The following BMP2K variants were observed in gnomAD, a reference collection of about 807,000 sequenced individuals.
The protein encoded by BMP2K is BMP2 inducible kinase, also known as BMP-2-inducible protein kinase.
A neutral mutation model predicts 116.0 loss-of-function variants in BMP2K; 74 were observed. The ratio of observed to expected loss-of-function variants is 0.64; its 90% CI spans 0.53 to 0.77. The LOEUF is 0.77. Ranked by LOEUF, BMP2K falls within the 30% of genes least tolerant of loss-of-function variation. The pLI is 0.00. For missense variants in BMP2K, 1,365 were observed against 1,403.6 expected (o/e 0.97, Z 0.44); for synonymous variants, 486 against 502.5 (o/e 0.97, Z 0.44).
intron 1 of BMP2K, among the ~76,000 whole-genome samples, chr4:78,818,797 T>C (rs1210667250): frequency 6.6e-6 from 1 of 151,622 alleles, no homozygotes; most frequent in South Asian, 2.1e-4. Context: ...AGTGTTTTTT[T>C]TTTTTTTTTT....
At chr4:78,829,035 C>T (rs1206154434) in intron 2 of BMP2K, among the ~76,000 whole-genome samples, 1 of 152,204 alleles carries the variant, frequency 6.6e-6, no homozygotes, top group Non-Finnish European at 1.5e-5. Flanking sequence ...ACATGCTTAG[C>T]GTTCCAATAA....
intron 15 of BMP2K, among the ~76,000 whole-genome samples, chr4:78,906,657 A>G (rs1235589892): frequency 1.3e-5 from 2 of 152,060 alleles, no homozygotes; most frequent in African/African-American, 2.4e-5. Flanking sequence ...CTCTTGAATT[A>G]GCCATAGACT....
intron 10 of BMP2K, among the ~76,000 whole-genome samples, chr4:78,869,655 C>G (rs976604380): frequency 1.3e-5 from 2 of 151,890 alleles, no homozygotes; most frequent in African/African-American, 2.4e-5. Flanking sequence ...TATTATTTGC[C>G]AATTAAAAAA....
Position 78,798,734 on chromosome 4 carries a change from A to G in BMP2K, c.178+22013A>G, listed in dbSNP as rs535343304. Among the ~76,000 whole-genome samples, 6 of 152,342 alleles carry G rather than the reference A, an allele frequency of 3.9e-5. No homozygotes were observed. In the East Asian group the frequency reaches 1.2e-3, roughly 29 times the overall value. ...AATATAAACCTAAATGTTTATAAAG[A>G]TTTACAATATCACTGCCTTCTTCCT... is the stretch of plus-strand genomic sequence containing the variant. On this transcript the variant is annotated intron_variant, in intron 1 of 15. Coordinates refer to ENST00000502613, the MANE Select transcript of BMP2K (RefSeq NM_198892.2).
chr4:78,856,698 G>C (rs1213856357), intron 7 of BMP2K, among the ~76,000 whole-genome samples: 1 of 152,038 alleles, frequency 6.6e-6, no homozygotes, highest in African/African-American at 2.4e-5. Flanking sequence ...TTTAGTACTG[G>C]TAAAGCAGAT....
intron 14 of BMP2K, among the ~76,000 whole-genome samples, chr4:78,881,537 A>C (rs1732884256): frequency 6.6e-6 from 1 of 152,144 alleles, no homozygotes; most frequent in South Asian, 2.1e-4. Context: ...GTTGTGTATA[A>C]AATGTAGTTT....
intron 15 of BMP2K, among the ~76,000 whole-genome samples, chr4:78,899,613 G>T (rs1733891696): frequency 6.6e-6 from 1 of 151,444 alleles, no homozygotes. Flanking sequence ...AGAGAAAGAA[G>T]GACCATAGAA....
chr4:78,843,573 G>A (rs1442620448), intron 4 of BMP2K, among the ~76,000 whole-genome samples: 1 of 151,808 alleles, frequency 6.6e-6, no homozygotes, highest in East Asian at 1.9e-4. Context: ...TAAAATGCTT[G>A]TAAGATAAAA....
intron 10 of BMP2K, among the ~76,000 whole-genome samples, chr4:78,868,686 G>A (rs896075140): frequency 1.3e-5 from 2 of 152,140 alleles, no homozygotes; most frequent in African/African-American, 4.8e-5. Context: ...CGTTCCAAAT[G>A]GGAGAAATTG....
At chr4:78,822,881 A>T (rs1397654185) in intron 1 of BMP2K, among the ~76,000 whole-genome samples, 1 of 152,162 alleles carries the variant, frequency 6.6e-6, no homozygotes, top group African/African-American at 2.4e-5. Context: ...TAAGAATTTG[A>T]TAAGCTATAG....
At chr4:78,905,624 A>G (rs1734245581) in intron 15 of BMP2K, among the ~76,000 whole-genome samples, 1 of 151,992 alleles carries the variant, frequency 6.6e-6, no homozygotes, top group African/African-American at 2.4e-5. Flanking sequence ...ATCTCAGTAA[A>G]TATGGGGATT....
At chr4:78,901,266 G>C (rs996707043) in intron 15 of BMP2K, among the ~76,000 whole-genome samples, 29 of 143,826 alleles carry the variant, frequency 2.0e-4, no homozygotes, top group African/African-American at 8.0e-4. Context: ...TTACTATGTT[G>C]CCTAGGCTTG....
At chr4:78,848,509 T>C (rs1334684746) in intron 6 of BMP2K, among the ~76,000 whole-genome samples, 1 of 151,554 alleles carries the variant, frequency 6.6e-6, no homozygotes, top group African/African-American at 2.4e-5. Context: ...TCCATGTTAC[T>C]TGAAAAGAGT....
intron 1 of BMP2K, among the ~76,000 whole-genome samples, chr4:78,794,399 G>T (rs955590381): frequency 1.3e-5 from 2 of 151,970 alleles, no homozygotes; most frequent in Non-Finnish European, 2.9e-5. Context: ...GTTTCTGTGG[G>T]AAAATATTCT....
At chr4:78,906,625 G>T (rs917124276) in intron 15 of BMP2K, among the ~76,000 whole-genome samples, 1 of 152,044 alleles carries the variant, frequency 6.6e-6, no homozygotes, top group African/African-American at 2.4e-5. Flanking sequence ...CTTCTGGTCA[G>T]TTCTGAAGTG....
intron 1 of BMP2K, among the ~76,000 whole-genome samples, chr4:78,795,740 A>G (rs1451483736): frequency 6.6e-6 from 1 of 152,162 alleles, no homozygotes; most frequent in Admixed American, 6.5e-5. Flanking sequence ...ACATGAACAG[A>G]CACTTCTCAA....
chr4:78,903,921 T>C (rs1734148298), intron 15 of BMP2K, among the ~76,000 whole-genome samples: 2 of 151,996 alleles, frequency 1.3e-5, no homozygotes, highest in African/African-American at 4.8e-5. Flanking sequence ...ATGAGAGTTT[T>C]AAGCCAGTGT....
intron 10 of BMP2K, among the ~76,000 whole-genome samples, chr4:78,868,960 A>G (rs140684223): frequency 0.017 from 2,573 of 152,232 alleles, 77 homozygotes; most frequent in African/African-American, 0.058. Context: ...TGGATCTACT[A>G]TTCTGGGGTC....
At chr4:78,828,266 T>G (rs775530902) in intron 2 of BMP2K, among the ~76,000 whole-genome samples, 5 of 152,164 alleles carry the variant, frequency 3.3e-5, no homozygotes, top group Non-Finnish European at 7.4e-5. Context: ...GAAACACTTA[T>G]GGTTAGTGGC....
Sources: allele counts gnomAD v4.1 joint callset (sites outside exome capture counted in the v4.1 genomes callset), GRCh38; gene constraint gnomAD v4.1.1; transcripts MANE v1.5; gene names NCBI Gene and HGNC (gene_info 2026-07-23, HGNC 2026-07-21).